PITPNM3: variants seen among roughly 807,000 people sequenced by gnomAD.
PITPNM3 encodes membrane-associated phosphatidylinositol transfer protein 3.
In PITPNM3, 26 loss-of-function variants were observed where a neutral mutation model predicts 102.0. The observed-to-expected ratio is 0.25, with a 90% CI of 0.19 to 0.35. The LOEUF (loss-of-function observed/expected upper bound fraction) is 0.35, where lower values mean the gene tolerates loss of function less well. Among genes scored for constraint, PITPNM3 ranks in the 10% least tolerant of loss-of-function variants. The pLI is 1.00. For missense variants in PITPNM3, 1,083 were observed against 1,346.1 expected, an observed-to-expected ratio of 0.80 and a Z score of 3.06; for synonymous variants, 578 against 558.6, an observed-to-expected ratio of 1.03 and a Z score of -0.49.
intron 3 of PITPNM3, among the ~76,000 whole-genome samples, chr17:6,512,274 AACAG>A (rs551290792): frequency 1.7e-3 from 265 of 152,320 alleles, no homozygotes; most frequent in African/African-American, 6.2e-3. Context: ...GGTTTCAGTA[AACAG>A]ACATATTCCT....
At chr17:6,544,052 C>T (rs1389326804) in intron 1 of PITPNM3, among the ~76,000 whole-genome samples, 2 of 152,224 alleles carry the variant, frequency 1.3e-5, no homozygotes, top group East Asian at 3.8e-4. Flanking sequence ...CGTGCAATTT[C>T]CAGACCTCCA....
chr17:6,547,450 A>G (rs1597419914), intron 1 of PITPNM3, among the ~76,000 whole-genome samples: 1 of 152,132 alleles, frequency 6.6e-6, no homozygotes, highest in East Asian at 1.9e-4. Context: ...TGTCCCCCCT[A>G]TGTCCCGCCA....
chr17:6,479,902 C>T (rs1905559481), intron 6 of PITPNM3: 1 of 152,232 alleles, frequency 6.6e-6, no homozygotes, highest in South Asian at 2.1e-4. Flanking sequence ...AAGCTCCCTC[C>T]CGCTGGCCCC....
intron 2 of PITPNM3, among the ~76,000 whole-genome samples, chr17:6,536,484 G>A (rs1909436842): frequency 6.6e-6 from 1 of 152,354 alleles, no homozygotes; most frequent in South Asian, 2.1e-4. Context: ...GCCCATGGGA[G>A]ACAGGCCCCA....
intron 4 of PITPNM3, among the ~76,000 whole-genome samples, chr17:6,490,458 A>T (rs1182898651): frequency 6.6e-6 from 1 of 152,192 alleles, no homozygotes; most frequent in Non-Finnish European, 1.5e-5. Context: ...AGAATTTGGC[A>T]CTAGGACCTT....
At chr17:6,539,372 GA>G (rs1259131214) in intron 1 of PITPNM3, among the ~76,000 whole-genome samples, 1 of 151,846 alleles carries the variant, frequency 6.6e-6, no homozygotes, top group African/African-American at 2.4e-5. Context: ...AATAAGACAA[GA>G]AAAAAGAAAT....
intron 4 of PITPNM3, among the ~76,000 whole-genome samples, chr17:6,486,008 C>G (rs1039395733): frequency 6.6e-6 from 1 of 152,204 alleles, no homozygotes; most frequent in African/African-American, 2.4e-5. Flanking sequence ...CCAGAAATGT[C>G]TGTCAACCCC....
intron 17 of PITPNM3, among the ~76,000 whole-genome samples, chr17:6,463,403 C>G (rs12952210): frequency 1.7e-5 from 1 of 57,178 alleles, no homozygotes; most frequent in Non-Finnish European, 3.9e-5. Flanking sequence ...GCAGCGGATG[C>G]GTGCACGAGT....
intron 2 of PITPNM3, among the ~76,000 whole-genome samples, chr17:6,525,829 A>T (rs747456811): frequency 3.3e-5 from 5 of 152,320 alleles, no homozygotes; most frequent in Non-Finnish European, 7.3e-5. Context: ...TAAATTACTG[A>T]CTTCTCTGAC....
chr17:6,475,112 A>T (rs185889473), intron 9 of PITPNM3, among the ~76,000 whole-genome samples: 4,353 of 152,292 alleles, frequency 0.029, 125 homozygotes, highest in South Asian at 0.12. Context: ...TCAGCTGGCT[A>T]ACGTCAGTTC....
chr17:6,534,144 G>T (rs750213224), intron 2 of PITPNM3, among the ~76,000 whole-genome samples: 1 of 152,148 alleles, frequency 6.6e-6, no homozygotes, highest in Non-Finnish European at 1.5e-5. Context: ...TCCAACCTCG[G>T]CACTGCTGGG....
chr17:6,455,257 CG>C lies in PITPNM3; in HGVS notation c.*80del. On this transcript the variant is annotated 3_prime_UTR_variant, in exon 20 of 20. Coordinates refer to ENST00000262483, the MANE Select transcript of PITPNM3 (RefSeq NM_031220.4). ...GGAAAAAGCAGGAAAACGCCTGTGTCGGGGAGAGGGCAGCCCCCTCCCGTCC... is the reference window on the plus strand; with the variant it reads ...GGAAAAAGCAGGAAAACGCCTGTGTCGGGAGAGGGCAGCCCCCTCCCGTCC... 1 of 1,461,350 alleles carries C rather than the reference CG, an allele frequency of 6.8e-7. No homozygotes were observed. Among genetic ancestry groups the C allele is most frequent in the South Asian group, 1.3e-5 (1 of 75,384 alleles). 90.5% of individuals were successfully genotyped at this position (1,461,350 alleles called of 1,614,324 possible). A position where few individuals can be genotyped will look rare whatever the true frequency, so the allele number is the denominator to read the frequency against.
At chr17:6,480,865 G>C (rs1449261861) in intron 6 of PITPNM3, 1 of 152,322 alleles carries the variant, frequency 6.6e-6, no homozygotes, top group Non-Finnish European at 1.5e-5. Flanking sequence ...GCAGCCCTCA[G>C]TGCCTGGAGC....
chr17:6,538,749 G>A (rs1215082530), intron 1 of PITPNM3, among the ~76,000 whole-genome samples: 1 of 152,202 alleles, frequency 6.6e-6, no homozygotes, highest in Non-Finnish European at 1.5e-5. Context: ...GGCAGAGACT[G>A]TCCTTTGAAA....
At chr17:6,487,631 A>G (rs117376781) in intron 4 of PITPNM3, among the ~76,000 whole-genome samples, 1 of 152,214 alleles carries the variant, frequency 6.6e-6, no homozygotes, top group Admixed American at 6.5e-5. Context: ...CAGGGAAGAC[A>G]TGAGGGTCCT....
intron 17 of PITPNM3, among the ~76,000 whole-genome samples, chr17:6,463,461 G>GGAGGGAGGGAGGGAGGGAAGAAT (rs1904591539): frequency 6.6e-6 from 1 of 150,858 alleles, no homozygotes. Context: ...GAGGGAAGAA[G>GGAGGGAGGGAGGGAGGGAAGAAT]GAAAAAAGGA....
At chr17:6,463,586 T>A in intron 17 of PITPNM3, 146 bp downstream of exon 17, 2 of 1,174,646 alleles carry the variant, frequency 1.7e-6, no homozygotes, top group Non-Finnish European at 2.4e-6. Context: ...TAAATTACTG[T>A]TGGAGGTAAA....
At chr17:6,520,302 T>A (rs1361782509) in intron 3 of PITPNM3, among the ~76,000 whole-genome samples, 1 of 152,256 alleles carries the variant, frequency 6.6e-6, no homozygotes, top group Non-Finnish European at 1.5e-5. Context: ...CATTTGACAG[T>A]ATCTATTGCA....
At chr17:6,460,850 T>C (rs1171124771) in intron 18 of PITPNM3, 2 of 179,202 alleles carry the variant, frequency 1.1e-5, no homozygotes, top group Non-Finnish European at 2.4e-5. Flanking sequence ...GAGTTTCTGA[T>C]TGAGTAGGTC....
Sources: allele counts gnomAD v4.1 joint callset (sites outside exome capture counted in the v4.1 genomes callset), GRCh38; gene constraint gnomAD v4.1.1; transcripts MANE v1.5; gene names NCBI Gene and HGNC (gene_info 2026-07-23, HGNC 2026-07-21).